GPC5: variants seen among roughly 807,000 people sequenced by gnomAD.
The protein encoded by GPC5 is glypican-5.
In GPC5, 47 loss-of-function variants were observed where a neutral mutation model predicts 53.9. The observed-to-expected ratio is 0.87, with a 90% CI of 0.69 to 1.11. The LOEUF is 1.11. Ranked by LOEUF, GPC5 falls within the 50% of genes most tolerant of loss-of-function variation. The probability of loss-of-function intolerance (pLI) is 0.00; values close to 1 mark genes in which losing one functional copy is unlikely to be tolerated. For missense variants in GPC5, 748 were observed against 713.1 expected (o/e 1.05, Z -0.56); for synonymous variants, 286 against 263.3 (o/e 1.09, Z -0.84).
intron 7 of GPC5, among the ~76,000 whole-genome samples, chr13:92,690,841 G>A (rs956258135): frequency 1.5e-5 from 1 of 68,104 alleles, no homozygotes. Context: ...AGGTGTCAGT[G>A]TGCCCCTGCT....
chr13:92,628,260 C>CTTTTTT (rs1286424637), intron 7 of GPC5, among the ~76,000 whole-genome samples: 8 of 37,564 alleles, frequency 2.1e-4, no homozygotes, highest in African/African-American at 4.1e-4. Context: ...TTTTCTTTTT[C>CTTTTTT]TTTCTTTTTT....
chr13:91,967,915 C>T (rs2040196266), intron 6 of GPC5, among the ~76,000 whole-genome samples: 1 of 151,836 alleles, frequency 6.6e-6, no homozygotes, highest in African/African-American at 2.4e-5. Context: ...TTCTGTAACT[C>T]CTAATGGAAT....
intron 7 of GPC5, among the ~76,000 whole-genome samples, chr13:92,198,397 G>A (rs2042271943): frequency 6.6e-6 from 1 of 152,124 alleles, no homozygotes; most frequent in Admixed American, 6.5e-5. Context: ...TCATAGATAT[G>A]CTCCTTATTA....
At chr13:92,674,047 C>T (rs917093537) in intron 7 of GPC5, among the ~76,000 whole-genome samples, 2 of 152,174 alleles carry the variant, frequency 1.3e-5, no homozygotes, top group Non-Finnish European at 2.9e-5. Context: ...TTCAGCCCCA[C>T]TAAAGCAAAT....
chr13:92,179,671 T>C lies in GPC5; in HGVS notation c.1561+34682T>C, dbSNP rs117800732. Among the ~76,000 whole-genome samples, 989 of 152,372 alleles carry C rather than the reference T, an allele frequency of 6.5e-3. 7 individuals carry two copies. Among genetic ancestry groups the C allele is most frequent in the Admixed American group, 9.8e-3 (150 of 15,306 alleles). On this transcript the variant is annotated intron_variant, in intron 7 of 7. Transcript: ENST00000377067. ...ATAGATTACTTATACTATAATGTTA[T>C]ATTGCCGAATCTAACATACAAGAAA...
At chr13:91,532,740 C>G (rs999996091) in intron 2 of GPC5, among the ~76,000 whole-genome samples, 10 of 151,970 alleles carry the variant, frequency 6.6e-5, no homozygotes, top group Non-Finnish European at 1.2e-4. Context: ...GTGGTGCGCA[C>G]CTGTGGTTCC....
chr13:92,598,719 T>G (rs1883953371), intron 7 of GPC5, among the ~76,000 whole-genome samples: 1 of 152,182 alleles, frequency 6.6e-6, no homozygotes, highest in Non-Finnish European at 1.5e-5. Context: ...TTATCCTCTT[T>G]CTACCTAATG....
chr13:91,824,400 T>C (rs1293223279), intron 5 of GPC5, among the ~76,000 whole-genome samples: 3 of 152,016 alleles, frequency 2.0e-5, no homozygotes, highest in South Asian at 4.1e-4. Flanking sequence ...GACAGTGTTT[T>C]AATAAGAAAA....
intron 2 of GPC5, among the ~76,000 whole-genome samples, chr13:91,652,113 G>A (rs2034726365): frequency 6.6e-6 from 1 of 152,046 alleles, no homozygotes; most frequent in African/African-American, 2.4e-5. Context: ...ACTCCTAGTG[G>A]ATGCCTGAAA....
chr13:91,409,686 A>G (rs1291948253), intron 1 of GPC5, among the ~76,000 whole-genome samples: 1 of 151,968 alleles, frequency 6.6e-6, no homozygotes, highest in Non-Finnish European at 1.5e-5. Context: ...GACGAGGAAG[A>G]TGCCTGTGTT....
chr13:92,728,818 A>G (rs1397811324), intron 7 of GPC5, among the ~76,000 whole-genome samples: 5 of 151,568 alleles, frequency 3.3e-5, no homozygotes, highest in African/African-American at 1.2e-4. Context: ...TGGGAAGAAA[A>G]TTAGAGATTA....
intron 2 of GPC5, among the ~76,000 whole-genome samples, chr13:91,519,713 G>T (rs1163690202): frequency 1.3e-5 from 2 of 152,108 alleles, no homozygotes; most frequent in African/African-American, 2.4e-5. Context: ...TACATATGGG[G>T]ATTATATACT....
At chr13:91,943,245 T>A (rs1193780530) in intron 6 of GPC5, among the ~76,000 whole-genome samples, 1 of 152,194 alleles carries the variant, frequency 6.6e-6, no homozygotes, top group Non-Finnish European at 1.5e-5. Flanking sequence ...AGTATTTGAT[T>A]AACAAAATGC....
intron 6 of GPC5, among the ~76,000 whole-genome samples, chr13:91,955,403 C>T (rs762727182): frequency 3.3e-5 from 5 of 151,872 alleles, no homozygotes; most frequent in East Asian, 3.9e-4. Context: ...TCCTGGACAA[C>T]GAAGAAGCAA....
intron 1 of GPC5, among the ~76,000 whole-genome samples, chr13:91,440,728 A>G (rs751544691): frequency 2.0e-5 from 3 of 152,146 alleles, no homozygotes; most frequent in Non-Finnish European, 2.9e-5. Context: ...TAGAGTTTTG[A>G]TATGTTTGTC....
At chr13:92,125,973 TGAGA>T (rs2041693690) in intron 6 of GPC5, among the ~76,000 whole-genome samples, 2 of 110,662 alleles carry the variant, frequency 1.8e-5, no homozygotes, top group African/African-American at 6.7e-5. Context: ...TTTTTTTTTT[TGAGA>T]TGAGTCTCAC....
At chr13:92,192,496 A>G (rs571581020) in intron 7 of GPC5, among the ~76,000 whole-genome samples, 1 of 152,342 alleles carries the variant, frequency 6.6e-6, no homozygotes, top group East Asian at 1.9e-4. Context: ...AATGCGTGAT[A>G]ACAATGATCA....
chr13:92,429,210 A>T (rs566294221), intron 7 of GPC5, among the ~76,000 whole-genome samples: 1 of 152,052 alleles, frequency 6.6e-6, no homozygotes, highest in South Asian at 2.1e-4. Context: ...GCAAATATCT[A>T]TCATGAAAAA....
chr13:92,462,316 G>C (rs1594222141), intron 7 of GPC5, among the ~76,000 whole-genome samples: 1 of 152,080 alleles, frequency 6.6e-6, no homozygotes, highest in South Asian at 2.1e-4. Context: ...AGTCAGCCAG[G>C]GCAATACCAG....
Sources: gnomAD v4.1 joint callset for allele counts (sites outside exome capture counted in the v4.1 genomes callset) on GRCh38, gnomAD v4.1.1 for gene constraint, MANE v1.5 for transcripts, NCBI Gene and HGNC (gene_info 2026-07-23, HGNC 2026-07-21) for gene names.